The following GRM7 variants were observed in gnomAD, a reference collection of about 807,000 sequenced individuals.
GRM7 encodes the protein metabotropic glutamate receptor 7.
Under a neutral mutation model 84.5 loss-of-function variants are expected in GRM7, and 35 were observed. The observed-to-expected ratio is 0.41, with a 90% confidence interval of 0.32 to 0.55. The LOEUF is 0.55. Ranked by LOEUF, GRM7 falls within the 20% of genes least tolerant of loss-of-function variation. The probability of loss-of-function intolerance (pLI) is 0.19; values close to 1 mark genes in which losing one functional copy is unlikely to be tolerated. For synonymous variants in GRM7, 487 were observed against 455.1 expected, an observed-to-expected ratio of 1.07 and a Z score of -0.89; for missense variants, 1,003 against 1,194.6, an observed-to-expected ratio of 0.84 and a Z score of 2.36.
At chr3:7,199,567 A>G (rs1695995489) in intron 2 of GRM7, among the ~76,000 whole-genome samples, 1 of 151,996 alleles carries the variant, frequency 6.6e-6, no homozygotes, top group Admixed American at 6.6e-5. Context: ...GATTTTACTC[A>G]CTCCCACCAG....
chr3:7,366,822 ATATAT>A (rs1368073899), intron 4 of GRM7, among the ~76,000 whole-genome samples: 5 of 151,858 alleles, frequency 3.3e-5, no homozygotes, highest in South Asian at 2.1e-4. Flanking sequence ...TATAAAAGTA[ATATAT>A]TATGAAAAGG....
chr3:7,092,298 T>G (rs1387869889), intron 1 of GRM7, among the ~76,000 whole-genome samples: 1 of 152,200 alleles, frequency 6.6e-6, no homozygotes, highest in African/African-American at 2.4e-5. Flanking sequence ...ATAGAGATAG[T>G]TCCTTATTTG....
chr3:7,061,250 G>A (rs912428003), intron 1 of GRM7, among the ~76,000 whole-genome samples: 1 of 151,770 alleles, frequency 6.6e-6, no homozygotes, highest in African/African-American at 2.4e-5. Flanking sequence ...CTGTGTAACT[G>A]TTGGTTATAA....
At chr3:7,640,653 A>G (rs1310005342) in intron 8 of GRM7, among the ~76,000 whole-genome samples, 1 of 152,240 alleles carries the variant, frequency 6.6e-6, no homozygotes, top group Non-Finnish European at 1.5e-5. Context: ...AGTCTGAGAA[A>G]TACTATTTAT....
intron 8 of GRM7, among the ~76,000 whole-genome samples, chr3:7,616,652 G>A (rs1226644749): frequency 6.6e-6 from 1 of 152,062 alleles, no homozygotes; most frequent in Non-Finnish European, 1.5e-5. Flanking sequence ...AATATGTATA[G>A]CTGATCTTTT....
intron 4 of GRM7, among the ~76,000 whole-genome samples, chr3:7,381,977 A>G (rs1195237183): frequency 6.6e-6 from 1 of 152,198 alleles, no homozygotes; most frequent in African/African-American, 2.4e-5. Flanking sequence ...TGGGTTACAT[A>G]AAAATCATGT....
At chr3:7,627,686 A>T (rs1206299366) in intron 8 of GRM7, among the ~76,000 whole-genome samples, 2 of 152,140 alleles carry the variant, frequency 1.3e-5, no homozygotes, top group East Asian at 3.9e-4. Flanking sequence ...AACAACAGAA[A>T]TTTATTTGCT....
intron 2 of GRM7, among the ~76,000 whole-genome samples, chr3:7,244,427 A>G (rs998635032): frequency 3.9e-5 from 6 of 152,096 alleles, no homozygotes; most frequent in Non-Finnish European, 8.8e-5. Flanking sequence ...GTGTGAGACA[A>G]GATTCTAAAA....
At chr3:7,549,242 C>T (rs1693323404) in intron 7 of GRM7, among the ~76,000 whole-genome samples, 1 of 152,190 alleles carries the variant, frequency 6.6e-6, no homozygotes, top group African/African-American at 2.4e-5. Context: ...AAACTCATCA[C>T]TTCCTAATTA....
intron 1 of GRM7, among the ~76,000 whole-genome samples, chr3:7,029,718 G>A (rs987639551): frequency 1.3e-5 from 2 of 152,138 alleles, no homozygotes; most frequent in African/African-American, 4.8e-5. Flanking sequence ...AGAGAGGAAC[G>A]AGGAGTTATT....
chr3:7,347,390 G>A (rs188008932), intron 4 of GRM7, among the ~76,000 whole-genome samples: 145 of 152,238 alleles, frequency 9.5e-4, no homozygotes, highest in African/African-American at 3.3e-3. Flanking sequence ...TCCACTTTCC[G>A]AATGCTTTAG....
chr3:7,549,316 TG>T (rs1693326588), intron 7 of GRM7, among the ~76,000 whole-genome samples: 1 of 152,188 alleles, frequency 6.6e-6, no homozygotes, highest in Non-Finnish European at 1.5e-5. Context: ...GTCTGTATGG[TG>T]GAAATACTGT....
rs535324607 is a variant in GRM7, at chr3:7,592,916, C to T, written c.2451+13559C>T. Among the ~76,000 whole-genome samples the T allele has an allele frequency of 2.0e-5, 3 of 152,240 alleles. No homozygotes were observed. The East Asian group carries it at 5.8e-4, about 29-fold the overall frequency. On this transcript the variant is annotated intron_variant, in intron 8 of 9. Transcript: ENST00000357716. ...GGGGAAACTGAATTCAAGCACCAAC[C>T]CTACCCTTGTACTCAGCCTAGGAAC...
intron 5 of GRM7, among the ~76,000 whole-genome samples, chr3:7,417,381 T>A (rs1490711515): frequency 1.3e-5 from 2 of 152,138 alleles, no homozygotes; most frequent in Non-Finnish European, 2.9e-5. Flanking sequence ...TTGTTTTCCT[T>A]GTCCTTCCTT....
intron 8 of GRM7, among the ~76,000 whole-genome samples, chr3:7,610,809 C>G (rs897054382): frequency 6.6e-6 from 1 of 152,140 alleles, no homozygotes; most frequent in African/African-American, 2.4e-5. Flanking sequence ...TTGGTTTTCC[C>G]GTAGTCATCA....
chr3:6,867,055 C>A (rs1363742045), intron 1 of GRM7, among the ~76,000 whole-genome samples: 1 of 152,122 alleles, frequency 6.6e-6, no homozygotes, highest in East Asian at 1.9e-4. Flanking sequence ...GAGGGGAGCC[C>A]TGCTGATATT....
At chr3:7,730,204 C>T (rs1196073872) in intron 9 of GRM7, among the ~76,000 whole-genome samples, 1 of 151,852 alleles carries the variant, frequency 6.6e-6, no homozygotes, top group Admixed American at 6.6e-5. Context: ...TACAGGGTTT[C>T]ACCATGTTGG....
intron 1 of GRM7, among the ~76,000 whole-genome samples, chr3:6,912,505 C>T (rs1248376629): frequency 6.6e-6 from 1 of 152,168 alleles, no homozygotes; most frequent in Non-Finnish European, 1.5e-5. Context: ...GAAATCTTCA[C>T]TATATCCGTG....
At position 6,861,913 on chromosome 3, in the gene GRM7, GA is replaced by G. The variant is rs757680906; in HGVS notation, c.519+7del. 2.5e-6 allele frequency: 4 copies of G among 1,604,856 alleles called. No homozygotes were observed. In the South Asian group the frequency reaches 4.4e-5, roughly 18 times the overall value. On this transcript the variant is annotated splice_region_variant and intron_variant, in intron 1 of 9. Coordinates refer to ENST00000357716, the MANE Select transcript of GRM7 (RefSeq NM_000844.4). This position sits in a 1 kb window ranked among gnomAD's most constrained non-coding sequence, Gnocchi z 6.4. Reference sequence around the variant, plus strand: ...ACATCCTGAGGCTCTTCCAGGTAGGGATGCGCTCCCTCCGGGGCGGAGCACA... The same window carrying G: ...ACATCCTGAGGCTCTTCCAGGTAGGGTGCGCTCCCTCCGGGGCGGAGCACA...
Sources: allele counts gnomAD v4.1 joint callset (sites outside exome capture counted in the v4.1 genomes callset), GRCh38; gene constraint gnomAD v4.1.1; non-coding constraint Gnocchi (gnomAD v3.1); transcripts MANE v1.5; gene names NCBI Gene and HGNC (gene_info 2026-07-23, HGNC 2026-07-21).